HEMK2: variants seen among roughly 807,000 people sequenced by gnomAD.
HEMK2 encodes the protein HemK methyltransferase 2, ETF1 glutamine and histone H4 lysine.
At chr21:28,838,232 T>C in the HEMK2 span, among the ~76,000 whole-genome samples, 1 of 151,924 alleles carries the variant, frequency 6.6e-6, no homozygotes, top group Non-Finnish European at 1.5e-5. Flanking sequence ...GGAAAGGACA[T>C]AACCAAAAAA....
chr21:28,690,145 T>A, the HEMK2 span, among the ~76,000 whole-genome samples: 1 of 152,126 alleles, frequency 6.6e-6, no homozygotes, highest in Non-Finnish European at 1.5e-5. Context: ...TTCACTACCA[T>A]GAGAACAGTA....
chr21:28,811,547 T>C, the HEMK2 span, among the ~76,000 whole-genome samples: 3 of 152,160 alleles, frequency 2.0e-5, no homozygotes, highest in African/African-American at 7.2e-5. Context: ...ATCTTAACAT[T>C]CATATTTAAC....
chr21:28,776,750 G>A, the HEMK2 span, among the ~76,000 whole-genome samples: 1 of 152,216 alleles, frequency 6.6e-6, no homozygotes, highest in African/African-American at 2.4e-5. Flanking sequence ...AAAAGCTGAA[G>A]AACTTGGAGT....
the HEMK2 span, among the ~76,000 whole-genome samples, chr21:28,632,104 T>C: frequency 6.6e-6 from 1 of 152,234 alleles, no homozygotes; most frequent in Admixed American, 6.5e-5. Context: ...GGCGAAAGTT[T>C]GTTAAAACAA....
the HEMK2 span, among the ~76,000 whole-genome samples, chr21:28,799,194 T>C: frequency 6.6e-6 from 1 of 152,164 alleles, no homozygotes; most frequent in Non-Finnish European, 1.5e-5. Flanking sequence ...GAAAGAGGTT[T>C]AATGGACTCA....
At chr21:28,674,474 TC>T in the HEMK2 span, among the ~76,000 whole-genome samples, 1 of 152,132 alleles carries the variant, frequency 6.6e-6, no homozygotes, top group Non-Finnish European at 1.5e-5. Flanking sequence ...TCAAAGACTC[TC>T]AAAAGCATAA....
the HEMK2 span, among the ~76,000 whole-genome samples, chr21:28,847,083 G>A: frequency 1.3e-5 from 2 of 152,108 alleles, no homozygotes; most frequent in South Asian, 2.1e-4. Flanking sequence ...TGTGAATAAT[G>A]CTGTGATGAA....
chr21:28,876,938 C>T, the HEMK2 span, among the ~76,000 whole-genome samples: 2 of 146,922 alleles, frequency 1.4e-5, no homozygotes, highest in Non-Finnish European at 1.5e-5. Flanking sequence ...AAAAAGAAAA[C>T]CTTCCTTATA....
At chr21:28,618,026 G>A in the HEMK2 span, among the ~76,000 whole-genome samples, 18 of 152,278 alleles carry the variant, frequency 1.2e-4, no homozygotes, top group South Asian at 3.5e-3. Flanking sequence ...GGGCACAAGT[G>A]ATCCTCTTAC....
chr21:28,800,089 C>T, the HEMK2 span, among the ~76,000 whole-genome samples: 1 of 152,198 alleles, frequency 6.6e-6, no homozygotes, highest in Non-Finnish European at 1.5e-5. Context: ...CTTTCCAAGA[C>T]ACGGAAACTC....
chr21:28,713,153 T>C, the HEMK2 span, among the ~76,000 whole-genome samples: 23 of 152,214 alleles, frequency 1.5e-4, no homozygotes, highest in African/African-American at 5.5e-4. Context: ...AGCACCTCCC[T>C]CTTCTTCCAC....
At chr21:28,879,351 T>C in the HEMK2 span, among the ~76,000 whole-genome samples, 13 of 152,294 alleles carry the variant, frequency 8.5e-5, no homozygotes, top group East Asian at 7.7e-4. Context: ...AACGCCATTC[T>C]CCTGCCTCAG....
chr21:28,646,948 G>A, the HEMK2 span, among the ~76,000 whole-genome samples: 1 of 152,160 alleles, frequency 6.6e-6, no homozygotes, highest in African/African-American at 2.4e-5. Context: ...CCAAATCCAA[G>A]AGAAGAAGAA....
the HEMK2 span, among the ~76,000 whole-genome samples, chr21:28,670,307 G>A: frequency 7.9e-5 from 12 of 152,140 alleles, no homozygotes; most frequent in Non-Finnish European, 1.5e-4. Context: ...TGTCCCACAT[G>A]ATTAAAAATA....
chr21:28,667,355 T>C, the HEMK2 span, among the ~76,000 whole-genome samples: 4 of 152,112 alleles, frequency 2.6e-5, no homozygotes, highest in Non-Finnish European at 4.4e-5. Context: ...TTGTGTTTCT[T>C]TGATGAAAGA....
At chr21:28,767,257 C>A in the HEMK2 span, among the ~76,000 whole-genome samples, 1 of 152,038 alleles carries the variant, frequency 6.6e-6, no homozygotes, top group South Asian at 2.1e-4. Context: ...TCCAATTAAA[C>A]CTCTTTCTTT....
chr21:28,622,754 G>A, the HEMK2 span, among the ~76,000 whole-genome samples: 1 of 152,168 alleles, frequency 6.6e-6, no homozygotes, highest in Non-Finnish European at 1.5e-5. Flanking sequence ...TTAATAAATG[G>A]TGCTGGGAAA....
the HEMK2 span, among the ~76,000 whole-genome samples, chr21:28,766,517 G>A: frequency 4.0e-3 from 607 of 151,904 alleles, 1 homozygote; most frequent in Non-Finnish European, 7.2e-3. Flanking sequence ...CTACCCAAAG[G>A]AAAAGAAGAC....
chr21:28,695,679 G>A, the HEMK2 span, among the ~76,000 whole-genome samples: 3 of 151,964 alleles, frequency 2.0e-5, no homozygotes, highest in Admixed American at 1.3e-4. Flanking sequence ...TGAGATTTGG[G>A]TAGGGACACA....
Sources: gnomAD v4.1 joint callset for allele counts (sites outside exome capture counted in the v4.1 genomes callset) on GRCh38, gnomAD v4.1.1 for gene constraint, MANE v1.5 for transcripts, NCBI Gene and HGNC (gene_info 2026-07-23, HGNC 2026-07-21) for gene names.